Variants in AGBL1 observed in about 807,000 individuals in gnomAD.
AGBL1 encodes the protein AGBL carboxypeptidase 1.
A neutral mutation model predicts 118.9 loss-of-function variants in AGBL1; 130 were observed. The ratio of observed to expected loss-of-function variants is 1.09; its 90% CI spans 0.95 to 1.26. The LOEUF (loss-of-function observed/expected upper bound fraction) is 1.26, where lower values mean the gene tolerates loss of function less well. Ranked by LOEUF, AGBL1 falls within the 50% of genes most tolerant of loss-of-function variation. The pLI is 0.00. For missense variants in AGBL1, 1,584 were observed against 1,298.1 expected (o/e 1.22, Z -3.38); for synonymous variants, 555 against 478.9 (o/e 1.16, Z -2.08).
intron 16 of AGBL1, among the ~76,000 whole-genome samples, chr15:86,289,261 A>G (rs906674266): frequency 6.6e-6 from 1 of 152,122 alleles, no homozygotes; most frequent in African/African-American, 2.4e-5. Context: ...TTTTGGTTTC[A>G]TGCTATTTTC....
chr15:86,331,356 A>G (rs2080266340), intron 17 of AGBL1, among the ~76,000 whole-genome samples: 1 of 152,066 alleles, frequency 6.6e-6, no homozygotes, highest in African/African-American at 2.4e-5. Context: ...AGAAGAAAAA[A>G]GCAACAACCT....
intron 21 of AGBL1, among the ~76,000 whole-genome samples, chr15:86,659,958 C>T (rs888850463): frequency 6.6e-6 from 1 of 152,046 alleles, no homozygotes. Flanking sequence ...GTTATTACTT[C>T]CCTGCTCATG....
intron 22 of AGBL1, among the ~76,000 whole-genome samples, chr15:86,843,975 T>G (rs1176202093): frequency 6.6e-6 from 1 of 152,180 alleles, no homozygotes; most frequent in Non-Finnish European, 1.5e-5. Context: ...TTTATATAAA[T>G]AGTGTCATAT....
intron 22 of AGBL1, among the ~76,000 whole-genome samples, chr15:86,871,769 A>G (rs2079731427): frequency 6.6e-6 from 1 of 152,100 alleles, no homozygotes; most frequent in Non-Finnish European, 1.5e-5. Context: ...CACACCTACC[A>G]TCTTGGCTCC....
rs79607693 is a variant in AGBL1 at position 86,628,489 on chromosome 15, A to G, written c.2995-45784A>G. Among the ~76,000 whole-genome samples, 153 of 152,162 alleles carry G rather than the reference A, an allele frequency of 1.0e-3. 2 individuals are homozygous for G. In the East Asian group the frequency reaches 0.024, roughly 23 times the overall value. On this transcript the variant is annotated intron_variant, in intron 21 of 22. Coordinates refer to ENST00000614907, the MANE Select transcript of AGBL1 (RefSeq NM_001386094.1). ...TTGTCTAAAACATGTTTATTGAACT[A>G]ATTTTTTTTCTTTAAAAAAATTTTT...
intron 21 of AGBL1, among the ~76,000 whole-genome samples, chr15:86,623,143 A>T (rs960775391): frequency 6.6e-6 from 1 of 152,210 alleles, no homozygotes; most frequent in African/African-American, 2.4e-5. Context: ...CCTGCCTAAC[A>T]GGCCATGCAG....
chr15:86,229,338 C>T (rs1393083163), intron 6 of AGBL1, among the ~76,000 whole-genome samples: 1 of 152,058 alleles, frequency 6.6e-6, no homozygotes, highest in Non-Finnish European at 1.5e-5. Flanking sequence ...GCAAACATGT[C>T]CTTCTTCACA....
intron 9 of AGBL1, among the ~76,000 whole-genome samples, chr15:86,262,134 T>A (rs2142027309): frequency 7.0e-6 from 1 of 142,548 alleles, no homozygotes; most frequent in Non-Finnish European, 1.5e-5. Context: ...TCCTTATGAG[T>A]CCTCCTGAGA....
chr15:86,953,676 C>T (rs564100018), intron 23 of AGBL1, among the ~76,000 whole-genome samples: 4 of 152,236 alleles, frequency 2.6e-5, no homozygotes, highest in African/African-American at 7.2e-5. Flanking sequence ...CAGGTGTGAG[C>T]CACTGTGGCT....
chr15:86,332,001 C>T (rs1176558501), intron 17 of AGBL1, among the ~76,000 whole-genome samples: 1 of 152,144 alleles, frequency 6.6e-6, no homozygotes, highest in Non-Finnish European at 1.5e-5. Context: ...AAAACCAAGA[C>T]CCATCCATCT....
intron 1 of AGBL1, among the ~76,000 whole-genome samples, chr15:86,102,828 TCTAA>T (rs1228525633): frequency 2.6e-5 from 4 of 152,246 alleles, no homozygotes; most frequent in Admixed American, 6.5e-5. Context: ...TGTCTAAAAC[TCTAA>T]CTAGAGTTAG....
intron 22 of AGBL1, among the ~76,000 whole-genome samples, chr15:86,874,906 T>C (rs758780846): frequency 3.3e-5 from 5 of 152,050 alleles, no homozygotes; most frequent in Non-Finnish European, 5.9e-5. Context: ...AAAATGCCAC[T>C]GTAGAAGGTC....
At chr15:86,442,429 T>C (rs1309438244) in intron 18 of AGBL1, among the ~76,000 whole-genome samples, 1 of 152,220 alleles carries the variant, frequency 6.6e-6, no homozygotes, top group Admixed American at 6.5e-5. Flanking sequence ...TAAGTGAATA[T>C]AATCATATTT....
intron 22 of AGBL1, among the ~76,000 whole-genome samples, chr15:86,828,228 C>T (rs1197624140): frequency 6.6e-6 from 1 of 151,770 alleles, no homozygotes. Flanking sequence ...CAGCCATGAG[C>T]CACTGTGCTC....
chr15:86,955,507 C>A (rs1411157377), intron 23 of AGBL1, among the ~76,000 whole-genome samples: 2 of 151,312 alleles, frequency 1.3e-5, no homozygotes, highest in Non-Finnish European at 2.9e-5. Context: ...AACATGTAAT[C>A]AAAAATGAAC....
intron 18 of AGBL1, among the ~76,000 whole-genome samples, chr15:86,473,242 A>C (rs2082504272): frequency 6.6e-6 from 1 of 152,146 alleles, no homozygotes; most frequent in Admixed American, 6.5e-5. Flanking sequence ...TCCAGTCTAG[A>C]TGGCTTTCCA....
intron 22 of AGBL1, among the ~76,000 whole-genome samples, chr15:86,826,445 T>A (rs918599717): frequency 6.6e-6 from 1 of 152,138 alleles, no homozygotes; most frequent in African/African-American, 2.4e-5. Context: ...TACCATCTGA[T>A]AATATTTTCT....
At chr15:86,672,492 T>C (rs2085763918) in intron 21 of AGBL1, among the ~76,000 whole-genome samples, 1 of 152,172 alleles carries the variant, frequency 6.6e-6, no homozygotes, top group Non-Finnish European at 1.5e-5. Flanking sequence ...GTTGCAAATG[T>C]GTATGCGAGT....
At chr15:86,504,534 C>T (rs1332689015) in intron 18 of AGBL1, among the ~76,000 whole-genome samples, 1 of 151,430 alleles carries the variant, frequency 6.6e-6, no homozygotes, top group Non-Finnish European at 1.5e-5. Flanking sequence ...ATATTCAAGG[C>T]ACTATTTAAA....
Sources: gnomAD v4.1 joint callset for allele counts (sites outside exome capture counted in the v4.1 genomes callset) on GRCh38, gnomAD v4.1.1 for gene constraint, MANE v1.5 for transcripts, NCBI Gene and HGNC (gene_info 2026-07-23, HGNC 2026-07-21) for gene names.